The following FRAS1 variants were observed in gnomAD, a reference collection of about 807,000 sequenced individuals.
The protein encoded by FRAS1 is extracellular matrix organizing protein FRAS1.
Under a neutral mutation model 435.2 loss-of-function variants are expected in FRAS1, and 290 were observed. The ratio of observed to expected loss-of-function variants is 0.67; its 90% CI spans 0.61 to 0.73. The LOEUF is 0.73. FRAS1 is among the 30% of genes least tolerant of loss of function. The pLI is 0.00. For synonymous variants in FRAS1, 1,800 were observed against 1,851.0 expected (o/e 0.97, Z 0.71); for missense variants, 4,860 against 5,001.5 (o/e 0.97, Z 0.85).
intron 14 of FRAS1, among the ~76,000 whole-genome samples, chr4:78,300,512 G>C (rs1277169520): frequency 6.6e-6 from 1 of 151,966 alleles, no homozygotes; most frequent in African/African-American, 2.4e-5. Flanking sequence ...CACCCAACTA[G>C]TCCAAGTCCC....
intron 2 of FRAS1, among the ~76,000 whole-genome samples, chr4:78,204,346 G>A (rs1723165802): frequency 6.6e-6 from 1 of 152,172 alleles, no homozygotes; most frequent in African/African-American, 2.4e-5. Flanking sequence ...GTACAATGGA[G>A]TACTGTGCAG....
chr4:78,090,898 G>A (rs1741480884), intron 2 of FRAS1, among the ~76,000 whole-genome samples: 2 of 152,150 alleles, frequency 1.3e-5, no homozygotes, highest in African/African-American at 4.8e-5. Context: ...TTATAATTAT[G>A]TGCAGCATAA....
intron 2 of FRAS1, among the ~76,000 whole-genome samples, chr4:78,228,023 T>C (rs1454667390): frequency 6.6e-6 from 1 of 152,180 alleles, no homozygotes; most frequent in Admixed American, 6.5e-5. Flanking sequence ...TTGTCCCTAC[T>C]CTTGGGAAGG....
chr4:78,250,854 A>C (rs965532257), intron 4 of FRAS1, among the ~76,000 whole-genome samples: 4 of 152,214 alleles, frequency 2.6e-5, no homozygotes, highest in Non-Finnish European at 4.4e-5. Context: ...ATAATTTTAT[A>C]ATTAGTATTT....
At chr4:78,307,745 G>A (rs576258938) in intron 14 of FRAS1, among the ~76,000 whole-genome samples, 3 of 152,142 alleles carry the variant, frequency 2.0e-5, no homozygotes, top group East Asian at 1.9e-4. Flanking sequence ...ACTGACCTGC[G>A]CCCACTGTCT....
At chr4:78,186,496 G>T (rs768210919) in intron 2 of FRAS1, among the ~76,000 whole-genome samples, 4 of 152,136 alleles carry the variant, frequency 2.6e-5, no homozygotes, top group Non-Finnish European at 5.9e-5. Context: ...AGGCTTATTA[G>T]CATTTGCCAG....
At chr4:78,516,180 A>G (rs1055967447) in intron 66 of FRAS1, among the ~76,000 whole-genome samples, 167 bp downstream of exon 66, 3 of 152,232 alleles carry the variant, frequency 2.0e-5, no homozygotes, top group African/African-American at 7.2e-5. Context: ...CACTGAAGCT[A>G]GAGAAGGCCC....
At chr4:78,088,872 G>C (rs1213053897) in intron 2 of FRAS1, among the ~76,000 whole-genome samples, 1 of 152,164 alleles carries the variant, frequency 6.6e-6, no homozygotes, top group Non-Finnish European at 1.5e-5. Context: ...TCAGTGTGGT[G>C]ATTCTTCAGG....
At chr4:78,229,738 TC>T (rs1436583624) in intron 2 of FRAS1, among the ~76,000 whole-genome samples, 1 of 151,766 alleles carries the variant, frequency 6.6e-6, no homozygotes, top group African/African-American at 2.4e-5. Flanking sequence ...AGGGTTTGAA[TC>T]CCAGATCTAG....
At chr4:78,527,309 G>T (rs1351695384) in intron 70 of FRAS1, among the ~76,000 whole-genome samples, 1 of 141,904 alleles carries the variant, frequency 7.0e-6, no homozygotes, top group African/African-American at 2.8e-5. Context: ...AGACTGTATT[G>T]TGCTGTATAT....
intron 20 of FRAS1, among the ~76,000 whole-genome samples, chr4:78,355,103 G>A (rs408835): frequency 0.17 from 25,860 of 151,876 alleles, 2,883 homozygotes; most frequent in African/African-American, 0.32. Flanking sequence ...GCATGTCTAC[G>A]TGCTGTGCAT....
At chr4:78,407,631 C>A (rs776760680) in intron 30 of FRAS1, 32 bp from the exon 31 acceptor site, 1 of 1,545,870 alleles carries the variant, frequency 6.5e-7, no homozygotes, top group Non-Finnish European at 8.7e-7. Flanking sequence ...TCCTAGGGAC[C>A]CTCACTAACT....
intron 1 of FRAS1, among the ~76,000 whole-genome samples, chr4:78,058,736 C>T (rs1244807784): frequency 6.6e-6 from 1 of 152,196 alleles, no homozygotes; most frequent in African/African-American, 2.4e-5. Flanking sequence ...TCCTGGTTTT[C>T]CTCCGAGGCT....
At chr4:78,307,513 TG>T (rs1231962667) in intron 14 of FRAS1, among the ~76,000 whole-genome samples, 1 of 152,222 alleles carries the variant, frequency 6.6e-6, no homozygotes, top group East Asian at 1.9e-4. Context: ...CGAGACTCCG[TG>T]GGCGTAGGAC....
chr4:78,192,688 G>A lies in FRAS1; in HGVS notation c.109-44822G>A, dbSNP rs560240725. Among the ~76,000 whole-genome samples, 5 of 152,078 alleles carry A rather than the reference G, an allele frequency of 3.3e-5. No individual in the cohort carries two copies. The East Asian group carries it at 7.7e-4, about 23-fold the overall frequency. The stretch of plus-strand genomic sequence containing the variant: ...TTTCTTCTTTATTAGTCTTGCTAGT[G>A]GTCTATCAGTTTTGTTGATCTTTTC... On this transcript the variant is annotated intron_variant, in intron 2 of 73. Coordinates refer to ENST00000512123, the MANE Select transcript of FRAS1 (RefSeq NM_025074.7).
intron 20 of FRAS1, among the ~76,000 whole-genome samples, chr4:78,342,853 GT>G (rs940243034): frequency 1.3e-5 from 2 of 151,896 alleles, no homozygotes; most frequent in Non-Finnish European, 2.9e-5. Context: ...AATTAAAATA[GT>G]TTTTTTTGGG....
At chr4:78,199,138 T>C (rs1722945246) in intron 2 of FRAS1, among the ~76,000 whole-genome samples, 1 of 152,222 alleles carries the variant, frequency 6.6e-6, no homozygotes, top group Non-Finnish European at 1.5e-5. Context: ...CCACCTCCTG[T>C]CACTAGGTAG....
At chr4:78,231,836 T>C (rs1450386818) in intron 2 of FRAS1, among the ~76,000 whole-genome samples, 1 of 152,164 alleles carries the variant, frequency 6.6e-6, no homozygotes, top group Non-Finnish European at 1.5e-5. Context: ...GGCATTATAT[T>C]ATTTGCAAGA....
intron 6 of FRAS1, among the ~76,000 whole-genome samples, chr4:78,260,916 A>T (rs1726065028): frequency 6.6e-6 from 1 of 152,036 alleles, no homozygotes; most frequent in Non-Finnish European, 1.5e-5. Flanking sequence ...TTTTGTCTGG[A>T]ATATTATGGA....
Sources: gnomAD v4.1 joint callset for allele counts (sites outside exome capture counted in the v4.1 genomes callset) on GRCh38, gnomAD v4.1.1 for gene constraint, MANE v1.5 for transcripts, NCBI Gene and HGNC (gene_info 2026-07-23, HGNC 2026-07-21) for gene names.